The following CSNK1G3 variants were observed in gnomAD, a reference collection of about 807,000 sequenced individuals.
The protein encoded by CSNK1G3 is casein kinase I isoform gamma-3.
CSNK1G3 carries 23 observed loss-of-function variants against 64.3 expected under a neutral mutation model. The ratio of observed to expected loss-of-function variants is 0.36; its 90% CI spans 0.26 to 0.51. CSNK1G3 has a LOEUF of 0.51. Among genes scored for constraint, CSNK1G3 ranks in the 20% least tolerant of loss-of-function variants. The probability of loss-of-function intolerance (pLI) is 0.96; values close to 1 mark genes in which losing one functional copy is unlikely to be tolerated. For missense variants in CSNK1G3, 357 were observed against 510.5 expected (o/e 0.70, Z 2.90); for synonymous variants, 158 against 162.2 (o/e 0.97, Z 0.20).
chr5:123,545,947 TTGTG>T, intron 2 of CSNK1G3, 106 bp downstream of exon 2: 1 of 964,756 alleles, frequency 1.0e-6, no homozygotes, highest in Non-Finnish European at 1.5e-6. Context: ...TGTTTAATGG[TTGTG>T]GTAATTTTAA....
chr5:123,604,861 T>A, intron 11 of CSNK1G3, 31 bp downstream of exon 12: 1 of 1,493,640 alleles, frequency 6.7e-7, no homozygotes, highest in Non-Finnish European at 9.2e-7. Flanking sequence ...TTTTAGTAAC[T>A]TTTTGTTCTT....
At chr5:123,543,754 T>C (rs1193578949) in intron 1 of CSNK1G3, among the ~76,000 whole-genome samples, 3 of 152,176 alleles carry the variant, frequency 2.0e-5, no homozygotes, top group African/African-American at 7.2e-5. Context: ...AGGTGCTTCA[T>C]ATGTTTTGTC....
intron 1 of CSNK1G3, among the ~76,000 whole-genome samples, chr5:123,526,262 T>C (rs1052891644): frequency 6.6e-6 from 1 of 152,064 alleles, no homozygotes; most frequent in Non-Finnish European, 1.5e-5. Flanking sequence ...CTTGGTATAT[T>C]GCCCAGGCTG....
intron 6 of CSNK1G3, among the ~76,000 whole-genome samples, chr5:123,577,642 A>G (rs1383651481): frequency 6.6e-6 from 1 of 151,994 alleles, no homozygotes. Context: ...AAGTAGTTTC[A>G]GATTGCCAAA....
chr5:123,516,575 C>A (rs1190371355), intron 1 of CSNK1G3, among the ~76,000 whole-genome samples: 1 of 152,076 alleles, frequency 6.6e-6, no homozygotes, highest in Non-Finnish European at 1.5e-5. Context: ...CCTGCCACTT[C>A]GTGCTTATCA....
At chr5:123,515,717 TCTC>T (rs1777029557) in intron 1 of CSNK1G3, among the ~76,000 whole-genome samples, 1 of 152,158 alleles carries the variant, frequency 6.6e-6, no homozygotes. Flanking sequence ...TTTTTTTTCT[TCTC>T]CTAATTATTC....
rs548608638 is a variant in CSNK1G3, at chr5:123,514,464, T to A, written c.-248+1894T>A. ...AATTCAACCAGGACCACCTTTACTC[T>A]GTGGCAAGGATGGAACAGTGGGTAG... On this transcript the variant is annotated intron_variant, in intron 1 of 12. Transcript: ENST00000345990. Among the ~76,000 whole-genome samples the A allele has an allele frequency of 2.3e-3, 347 of 152,274 alleles. 2 individuals are homozygous for A. The highest frequency in any genetic ancestry group is 8.0e-3 in the African/African-American group (334 of 41,528).
intron 5 of CSNK1G3, 93 bp downstream of exon 5, chr5:123,573,634 CT>C: frequency 8.7e-7 from 1 of 1,145,726 alleles, no homozygotes; most frequent in Non-Finnish European, 1.2e-6. Flanking sequence ...GTGATATTGT[CT>C]TACAGAGCGT....
At chr5:123,616,905 T>C (rs1749544013) in exon 13 of CSNK1G3, 1 of 152,176 alleles carries the variant, frequency 6.6e-6, no homozygotes, top group Non-Finnish European at 1.5e-5. Flanking sequence ...GCTTTTGTTA[T>C]TTTATGTTTT....
At chr5:123,522,530 A>T (rs1778306570) in intron 1 of CSNK1G3, among the ~76,000 whole-genome samples, 1 of 151,360 alleles carries the variant, frequency 6.6e-6, no homozygotes, top group African/African-American at 2.4e-5. Flanking sequence ...AAAAAATCTG[A>T]GGGTGTGGCC....
rs1788485768 is a variant in CSNK1G3 at position 123,573,311 on chromosome 5, A to G, written c.290-82A>G. ...ACTGCTTTAGTTCTTGAAACTATAA[A>G]ATTTTAAATATCAGTTTTTAAGAGG... is the stretch of plus-strand genomic sequence containing the variant. On this transcript the variant is annotated intron_variant, in intron 4 of 12. Coordinates refer to ENST00000345990, the Ensembl canonical transcript of CSNK1G3. 4 of 1,441,400 alleles carry G rather than the reference A, an allele frequency of 2.8e-6. No individual in the cohort carries two copies. The African/African-American group carries it at 5.7e-5, about 20-fold the overall frequency. 89.3% of individuals were successfully genotyped at this position (1,441,400 alleles called of 1,614,324 possible). A position where few individuals can be genotyped will look rare whatever the true frequency, so the allele number is the denominator to read the frequency against.
intron 12 of CSNK1G3, among the ~76,000 whole-genome samples, chr5:123,607,406 TAAC>T (rs1183353393): frequency 6.6e-6 from 1 of 152,184 alleles, no homozygotes; most frequent in Non-Finnish European, 1.5e-5. Context: ...ACTAAATAAT[TAAC>T]AATGTGGTAT....
chr5:123,545,656 A>G (rs1278390356), exon 2 of CSNK1G3: 3 of 1,610,212 alleles, frequency 1.9e-6, no homozygotes, highest in East Asian at 2.2e-5. Flanking sequence ...GAGTACCGCA[A>G]ACTTGATATG....
chr5:123,575,582 A>T, intron 5 of CSNK1G3, 147 bp from the exon 6 acceptor site: 1 of 599,694 alleles, frequency 1.7e-6, no homozygotes. Context: ...GAAGAATGAT[A>T]GGCTGACATC....
chr5:123,556,638 C>G (rs1355766861), intron 3 of CSNK1G3, among the ~76,000 whole-genome samples: 1 of 151,632 alleles, frequency 6.6e-6, no homozygotes, highest in Non-Finnish European at 1.5e-5. Context: ...TTTCTATTAC[C>G]TTGTTATACT....
intron 4 of CSNK1G3, among the ~76,000 whole-genome samples, chr5:123,571,535 T>G (rs2150661535): frequency 6.6e-6 from 1 of 152,256 alleles, no homozygotes; most frequent in Non-Finnish European, 1.5e-5. Flanking sequence ...AATAGATAAG[T>G]AAACTGAGGC....
chr5:123,545,858 T>C lies in CSNK1G3; in HGVS notation c.178+17T>C, dbSNP rs1334956979. 4 of 1,589,600 alleles carry C rather than the reference T, an allele frequency of 2.5e-6. No homozygotes were observed. The Admixed American group carries it at 5.1e-5, about 20-fold the overall frequency. ...TACGATTAGGTAAGACTATTTTGTT[T>C]ATTCCATTATGTTAGAAACATTTTA... On this transcript the variant is annotated intron_variant, in intron 2 of 12. Coordinates refer to ENST00000345990, the Ensembl canonical transcript of CSNK1G3.
chr5:123,573,695 A>G (rs1037747291), intron 5 of CSNK1G3, among the ~76,000 whole-genome samples, 154 bp downstream of exon 5: 1 of 152,216 alleles, frequency 6.6e-6, no homozygotes, highest in Admixed American at 6.5e-5. Context: ...TCTGGGATCC[A>G]TGTAACTTAA....
At chr5:123,596,561 C>T (rs1307608991) in intron 10 of CSNK1G3, among the ~76,000 whole-genome samples, 3 of 151,966 alleles carry the variant, frequency 2.0e-5, no homozygotes, top group African/African-American at 4.8e-5. Flanking sequence ...TGAGGTGGCT[C>T]GTGGGATTCC....
Sources: gnomAD v4.1 joint callset for allele counts (sites outside exome capture counted in the v4.1 genomes callset) on GRCh38, gnomAD v4.1.1 for gene constraint, MANE v1.5 for transcripts, NCBI Gene and HGNC (gene_info 2026-07-23, HGNC 2026-07-21) for gene names.